NOL4: variants seen among roughly 807,000 people sequenced by gnomAD.
The protein encoded by NOL4 is nucleolar protein 4.
In NOL4, 17 loss-of-function variants were observed where a neutral mutation model predicts 75.9. The ratio of observed to expected loss-of-function variants is 0.22; its 90% CI spans 0.15 to 0.34. The LOEUF is 0.34. Ranked by LOEUF, NOL4 falls within the 10% of genes least tolerant of loss-of-function variation. The pLI, the probability that NOL4 is intolerant of heterozygous loss-of-function variation, is 1.00. For missense variants in NOL4, 614 were observed against 793.5 expected (o/e 0.77, Z 2.72); for synonymous variants, 292 against 289.9 (o/e 1.01, Z -0.07).
chr18:34,099,362 C>CAAAAAAGAAAAAAAAAAAA, intron 4 of NOL4, among the ~76,000 whole-genome samples: 1 of 80,092 alleles, frequency 1.2e-5, no homozygotes, highest in Non-Finnish European at 2.4e-5. Flanking sequence ...GACTTTGTCT[C>CAAAAAAGAAAAAAAAAAAA]AAAAAAAAAA....
chr18:33,879,068 T>C (rs1259474758), intron 10 of NOL4, among the ~76,000 whole-genome samples: 1 of 152,146 alleles, frequency 6.6e-6, no homozygotes, highest in Non-Finnish European at 1.5e-5. Context: ...AACAACTCGT[T>C]AAACAATTGA....
intron 10 of NOL4, among the ~76,000 whole-genome samples, chr18:33,881,372 A>G (rs554944789): frequency 2.0e-5 from 3 of 148,806 alleles, no homozygotes; most frequent in African/African-American, 5.0e-5. Flanking sequence ...TCTCCTGCCT[A>G]ATTGCCCTGG....
At chr18:33,897,823 A>G (rs1430962987) in intron 9 of NOL4, among the ~76,000 whole-genome samples, 1 of 151,576 alleles carries the variant, frequency 6.6e-6, no homozygotes, top group Non-Finnish European at 1.5e-5. Flanking sequence ...CTTTTCTTTC[A>G]TTAAAAAAAA....
intron 1 of NOL4, among the ~76,000 whole-genome samples, chr18:34,140,546 A>G (rs1463926529): frequency 1.3e-5 from 2 of 151,832 alleles, no homozygotes; most frequent in Non-Finnish European, 2.9e-5. Context: ...ATCTTCCTCC[A>G]TCCCTTTATT....
intron 2 of NOL4, among the ~76,000 whole-genome samples, chr18:34,128,374 T>A (rs1425421159): frequency 6.6e-6 from 1 of 151,922 alleles, no homozygotes; most frequent in Non-Finnish European, 1.5e-5. Flanking sequence ...TACAAAGTCC[T>A]GTCGAGTTCA....
At chr18:34,187,158 C>G (rs969962322) in intron 1 of NOL4, among the ~76,000 whole-genome samples, 4 of 152,084 alleles carry the variant, frequency 2.6e-5, no homozygotes, top group African/African-American at 9.7e-5. Context: ...TTTTATTGCC[C>G]TAAAATTCCC....
In NOL4 at chr18:34,059,172, A is replaced by T. The variant is rs1316913184; in HGVS notation, c.772+34293T>A. ...ATATATATATACACATGCTTAGTTT[A>T]TATGTGCCAGATACTTGACATAATT... is the stretch of plus-strand genomic sequence containing the variant. On this transcript the variant is annotated intron_variant, in intron 5 of 10. Coordinates refer to ENST00000261592, the MANE Select transcript of NOL4 (RefSeq NM_003787.5). Among the ~76,000 whole-genome samples the T allele has an allele frequency of 4.3e-5, 6 of 139,766 alleles. 1 individual carries two copies. The highest frequency in any genetic ancestry group is 9.2e-5 in the Non-Finnish European group (6 of 65,050). The allele number at this position is 139,766 out of a possible 152,430, so 91.7% of individuals were successfully genotyped here.
At chr18:33,958,849 G>A (rs756400109) in intron 6 of NOL4, among the ~76,000 whole-genome samples, 1 of 151,704 alleles carries the variant, frequency 6.6e-6, no homozygotes, top group African/African-American at 2.4e-5. Context: ...ATATAATATT[G>A]TATTATATCA....
intron 1 of NOL4, among the ~76,000 whole-genome samples, chr18:34,188,077 T>C (rs1424198490): frequency 6.6e-6 from 1 of 152,234 alleles, no homozygotes; most frequent in African/African-American, 2.4e-5. Context: ...TTACACATGA[T>C]GTCAAGTACT....
chr18:33,860,431 T>C (rs1003124752), intron 10 of NOL4, among the ~76,000 whole-genome samples: 2 of 152,120 alleles, frequency 1.3e-5, no homozygotes, highest in African/African-American at 4.8e-5. Context: ...TGCCCTTCTG[T>C]CTAGGAGTTT....
intron 1 of NOL4, among the ~76,000 whole-genome samples, chr18:34,178,975 T>G (rs1273137681): frequency 6.6e-6 from 1 of 151,628 alleles, no homozygotes; most frequent in Non-Finnish European, 1.5e-5. Context: ...TAAAAATGAC[T>G]TAAATCATAC....
At position 34,062,237 on chromosome 18, in the gene NOL4, A is replaced by G. The variant is rs138997821; in HGVS notation, c.772+31228T>C. 6.7e-4 allele frequency among the ~76,000 whole-genome samples: 102 copies of G among 152,202 alleles called. 2 individuals carry two copies. Among genetic ancestry groups the G allele is most frequent in the African/African-American group, 2.5e-3 (102 of 41,550 alleles). On this transcript the variant is annotated intron_variant, in intron 5 of 10. Coordinates refer to ENST00000261592, the MANE Select transcript of NOL4 (RefSeq NM_003787.5). ...AAAAGTTTTTTTTTAAAAGATGCCA[A>G]ATATCAAAGTTTGTGCTGTTAATAA...
intron 9 of NOL4, among the ~76,000 whole-genome samples, chr18:33,918,723 T>G (rs2066869201): frequency 6.6e-6 from 1 of 152,186 alleles, no homozygotes; most frequent in South Asian, 2.1e-4. Flanking sequence ...CATATATGTT[T>G]GGGTGATAAG....
At chr18:33,933,583 G>T (rs1416561019) in intron 9 of NOL4, among the ~76,000 whole-genome samples, 1 of 152,126 alleles carries the variant, frequency 6.6e-6, no homozygotes, top group Non-Finnish European at 1.5e-5. Flanking sequence ...TTATTCAACA[G>T]AATTCACAGC....
intron 9 of NOL4, among the ~76,000 whole-genome samples, chr18:33,895,736 A>G (rs116655413): frequency 0.017 from 2,569 of 152,258 alleles, 65 homozygotes; most frequent in African/African-American, 0.058. Context: ...TTTCTTTTGA[A>G]AACCAGTATA....
chr18:33,963,536 G>A (rs546374210), intron 6 of NOL4, among the ~76,000 whole-genome samples: 21 of 151,906 alleles, frequency 1.4e-4, no homozygotes, highest in Non-Finnish European at 2.1e-4. Context: ...CTTACTTCAA[G>A]TATAAACCTA....
intron 10 of NOL4, among the ~76,000 whole-genome samples, chr18:33,875,142 T>C (rs555589053): frequency 6.6e-6 from 1 of 152,040 alleles, no homozygotes; most frequent in South Asian, 2.1e-4. Context: ...TTATGCATTA[T>C]GCATATAATT....
chr18:34,024,214 T>TATATAA (rs1365275127), intron 5 of NOL4, among the ~76,000 whole-genome samples: 12 of 130,762 alleles, frequency 9.2e-5, no homozygotes, highest in Non-Finnish European at 1.5e-4. Context: ...TATATATATA[T>TATATAA]AAAATCCTCA....
At chr18:33,920,817 G>A (rs1001581230) in intron 9 of NOL4, among the ~76,000 whole-genome samples, 4 of 152,190 alleles carry the variant, frequency 2.6e-5, no homozygotes, top group Non-Finnish European at 5.9e-5. Flanking sequence ...AGACTGAAAA[G>A]GGACAGAGAT....
Sources: gnomAD v4.1 joint callset for allele counts (sites outside exome capture counted in the v4.1 genomes callset) on GRCh38, gnomAD v4.1.1 for gene constraint, MANE v1.5 for transcripts, NCBI Gene and HGNC (gene_info 2026-07-23, HGNC 2026-07-21) for gene names.